CDKAL1: variants seen among roughly 807,000 people sequenced by gnomAD.
CDKAL1 encodes threonylcarbamoyladenosine tRNA methylthiotransferase.
CDKAL1 carries 32 observed loss-of-function variants against 68.2 expected under a neutral mutation model. That is an observed-to-expected ratio of 0.47 (90% confidence interval 0.35 to 0.63). The LOEUF (loss-of-function observed/expected upper bound fraction) is 0.63, where lower values mean the gene tolerates loss of function less well. Among genes scored for constraint, CDKAL1 ranks in the 30% least tolerant of loss-of-function variants. The pLI is 0.00. For missense variants in CDKAL1, 606 were observed against 696.7 expected (o/e 0.87, Z 1.47); for synonymous variants, 234 against 244.3 (o/e 0.96, Z 0.39).
At chr6:20,790,620 C>T (rs898079116) in intron 8 of CDKAL1, among the ~76,000 whole-genome samples, 5 of 152,166 alleles carry the variant, frequency 3.3e-5, no homozygotes, top group African/African-American at 9.7e-5. Context: ...CCTGCCCACT[C>T]GGTCCACCTG....
At chr6:20,574,346 A>T (rs1340407081) in intron 4 of CDKAL1, among the ~76,000 whole-genome samples, 1 of 152,184 alleles carries the variant, frequency 6.6e-6, no homozygotes, top group African/African-American at 2.4e-5. Context: ...ATGTAATCCT[A>T]GCTCAGATGG....
At chr6:20,916,814 C>A (rs1375202822) in intron 9 of CDKAL1, among the ~76,000 whole-genome samples, 1 of 152,156 alleles carries the variant, frequency 6.6e-6, no homozygotes, top group African/African-American at 2.4e-5. Context: ...ATTACCAGTT[C>A]TTCCTTAAAA....
chr6:21,081,813 T>A (rs909563376), intron 12 of CDKAL1, among the ~76,000 whole-genome samples: 9 of 151,890 alleles, frequency 5.9e-5, no homozygotes, highest in Non-Finnish European at 1.0e-4. Flanking sequence ...CCTGACCTCA[T>A]GTAATCCACC....
intron 8 of CDKAL1, among the ~76,000 whole-genome samples, chr6:20,782,474 T>A (rs1429373519): frequency 6.6e-6 from 1 of 152,204 alleles, no homozygotes; most frequent in East Asian, 1.9e-4. Context: ...CAAGGCTGTT[T>A]GCTTTCCCCT....
At chr6:20,888,738 T>C (rs569426669) in intron 9 of CDKAL1, among the ~76,000 whole-genome samples, 20 of 152,212 alleles carry the variant, frequency 1.3e-4, no homozygotes, top group Non-Finnish European at 2.4e-4. Flanking sequence ...CCATGGTGTA[T>C]ATGTGCCACC....
chr6:20,995,914 T>G (rs969922714), intron 10 of CDKAL1, among the ~76,000 whole-genome samples: 2 of 152,230 alleles, frequency 1.3e-5, no homozygotes, highest in Non-Finnish European at 2.9e-5. Context: ...TTGTCTACAT[T>G]GAAAATCTGC....
chr6:20,981,580 G>T (rs1251656907), intron 10 of CDKAL1, among the ~76,000 whole-genome samples: 1 of 152,164 alleles, frequency 6.6e-6, no homozygotes, highest in Non-Finnish European at 1.5e-5. Context: ...AGTGGCTCAC[G>T]CCTGTAATCC....
intron 4 of CDKAL1, among the ~76,000 whole-genome samples, chr6:20,644,123 G>A (rs377695495): frequency 2.7e-5 from 4 of 147,978 alleles, no homozygotes; most frequent in African/African-American, 7.5e-5. Flanking sequence ...ACAAGCCACC[G>A]TGTCTGGCCT....
At chr6:21,222,005 G>A (rs544442719) in intron 15 of CDKAL1, among the ~76,000 whole-genome samples, 1 of 152,244 alleles carries the variant, frequency 6.6e-6, no homozygotes, top group Admixed American at 6.5e-5. Flanking sequence ...GACCACACAG[G>A]GGCACATCAG....
chr6:20,843,493 A>G (rs1010038709), intron 8 of CDKAL1, among the ~76,000 whole-genome samples: 12 of 151,982 alleles, frequency 7.9e-5, no homozygotes, highest in East Asian at 5.8e-4. Context: ...ATTTGCAGAT[A>G]GATAGATAGA....
At chr6:20,768,333 G>A (rs1434088800) in intron 7 of CDKAL1, among the ~76,000 whole-genome samples, 1 of 152,178 alleles carries the variant, frequency 6.6e-6, no homozygotes, top group East Asian at 1.9e-4. Context: ...TGAAGTGCAT[G>A]CGTCTGTAAT....
intron 5 of CDKAL1, among the ~76,000 whole-genome samples, chr6:20,666,360 A>G (rs183180443): frequency 4.6e-4 from 70 of 151,816 alleles, no homozygotes; most frequent in African/African-American, 1.7e-3. Context: ...AGAAGTTTGA[A>G]TTGCTATAAT....
chr6:20,739,287 C>T (rs1236338602), intron 5 of CDKAL1, among the ~76,000 whole-genome samples: 1 of 152,000 alleles, frequency 6.6e-6, no homozygotes, highest in African/African-American at 2.4e-5. Flanking sequence ...TATAATGAGA[C>T]GGTAATGAAT....
intron 9 of CDKAL1, among the ~76,000 whole-genome samples, chr6:20,855,507 C>G (rs1039086048): frequency 6.8e-6 from 1 of 146,106 alleles, no homozygotes; most frequent in Non-Finnish European, 1.5e-5. Flanking sequence ...GCATAACACC[C>G]TGAAGGGATT....
At chr6:20,971,127 A>G (rs922394944) in intron 10 of CDKAL1, among the ~76,000 whole-genome samples, 2 of 152,220 alleles carry the variant, frequency 1.3e-5, no homozygotes, top group Admixed American at 1.3e-4. Context: ...GATTACAGGC[A>G]TGAGCCCACC....
At chr6:21,101,438 A>G (rs1773571757) in intron 12 of CDKAL1, among the ~76,000 whole-genome samples, 1 of 152,208 alleles carries the variant, frequency 6.6e-6, no homozygotes, top group Non-Finnish European at 1.5e-5. Context: ...AGCAGTGGCC[A>G]AATCTAGCGT....
chr6:21,170,875 T>A (rs1417462314), intron 13 of CDKAL1, among the ~76,000 whole-genome samples: 1 of 152,186 alleles, frequency 6.6e-6, no homozygotes, highest in Non-Finnish European at 1.5e-5. Flanking sequence ...TAAATGATAA[T>A]CTGTTTACAG....
At position 21,065,218 on chromosome 6, in the gene CDKAL1, C is replaced by T. The variant is rs77152992; in HGVS notation, c.1226C>T (p.Pro409Leu). ...CCTGCTGCAAAAATGGAACAAGTTC[C>T]AGCACAAGTGGTAAGATCTTTTTCT... is the stretch of plus-strand genomic sequence containing the variant. ...GTPAAKMEQVPAQVKKQRTKD... is the reference protein window; with the variant it reads ...GTPAAKMEQVLAQVKKQRTKD... The change falls in exon 12 of 16, where the codon CCA becomes CTA. Residue 409 changes from proline (P) to leucine (L), a missense_variant. Pro to Leu is a moderately conservative substitution (Grantham distance 98, BLOSUM62 -3). Coordinates refer to ENST00000274695, the MANE Select transcript of CDKAL1 (RefSeq NM_017774.3). 83,053 of 1,604,816 alleles carry T rather than the reference C, an allele frequency of 0.052. 2,680 individuals carry two copies. The highest frequency in any genetic ancestry group is 0.13 in the East Asian group (5,828 of 44,346).
At chr6:20,748,803 T>C (rs913507506) in intron 6 of CDKAL1, among the ~76,000 whole-genome samples, 11 of 142,200 alleles carry the variant, frequency 7.7e-5, no homozygotes, top group African/African-American at 2.7e-4. Flanking sequence ...GATATCACTT[T>C]TTCCTTTTAC....
Sources: gnomAD v4.1 joint callset for allele counts (sites outside exome capture counted in the v4.1 genomes callset) on GRCh38, gnomAD v4.1.1 for gene constraint, MANE v1.5 for transcripts, NCBI Gene and HGNC (gene_info 2026-07-23, HGNC 2026-07-21) for gene names.